ERICH2: variants seen among roughly 807,000 people sequenced by gnomAD.
ERICH2 encodes the protein glutamate-rich protein 2.
A neutral mutation model predicts 17.4 loss-of-function variants in ERICH2; 17 were observed. That is an observed-to-expected ratio of 0.98 (90% CI 0.67 to 1.47). The LOEUF (loss-of-function observed/expected upper bound fraction) is 1.47, where lower values mean the gene tolerates loss of function less well. Among genes scored for constraint, ERICH2 ranks in the 40% most tolerant of loss-of-function variants. ERICH2 has a pLI of 0.00. For synonymous variants in ERICH2, 51 were observed against 61.1 expected, an observed-to-expected ratio of 0.83 and a Z score of 0.77; for missense variants, 186 against 183.2, an observed-to-expected ratio of 1.01 and a Z score of -0.09.
chr2:170,786,801 T>C (rs35127716), intron 2 of ERICH2, among the ~76,000 whole-genome samples: 33,988 of 152,122 alleles, frequency 0.22, 4,688 homozygotes, highest in South Asian at 0.35. Flanking sequence ...TTTTTTGCAT[T>C]TCAGATACTA....
At chr2:170,777,401 A>G in the ERICH2 span, 1 of 1,171,640 alleles carries the variant, frequency 8.5e-7, no homozygotes, top group Non-Finnish European at 1.1e-6. Context: ...ACAGAATGGC[A>G]GATTGCTAAT....
At chr2:170,792,365 T>TA (rs1197962311) in intron 2 of ERICH2, among the ~76,000 whole-genome samples, 3 of 152,002 alleles carry the variant, frequency 2.0e-5, no homozygotes, top group Non-Finnish European at 2.9e-5. Flanking sequence ...ATTTCCTACA[T>TA]AAAAAAAGAT....
chr2:170,779,678 A>G (rs1356080669), upstream of ERICH2: 1 of 212,592 alleles, frequency 4.7e-6, no homozygotes, highest in African/African-American at 2.4e-5. Context: ...CTCAGCGCTG[A>G]CTGAGCTTGA....
chr2:170,798,152 T>C, intron 4 of ERICH2, 40 bp downstream of exon 9: 2 of 1,335,648 alleles, frequency 1.5e-6, no homozygotes, highest in Non-Finnish European at 2.1e-6. Context: ...CTCATAGAAC[T>C]ATAAGCAGTC....
chr2:170,792,917 A>T (rs1193870599), exon 3 of ERICH2: 10 of 1,500,804 alleles, frequency 6.7e-6, no homozygotes, highest in Middle Eastern at 1.7e-4. Flanking sequence ...ATTATGTCAG[A>T]TGAGTAAGTA....
At chr2:170,778,186 T>C in the ERICH2 span, 2 of 152,294 alleles carry the variant, frequency 1.3e-5, no homozygotes, top group Non-Finnish European at 2.9e-5. Flanking sequence ...CAGTACAATA[T>C]CAATTTAGTA....
chr2:170,786,672 A>G (rs919752355), intron 2 of ERICH2, among the ~76,000 whole-genome samples: 2 of 152,016 alleles, frequency 1.3e-5, no homozygotes, highest in African/African-American at 4.8e-5. Flanking sequence ...CTGATATACC[A>G]CTTAAATTTT....
intron 3 of ERICH2, among the ~76,000 whole-genome samples, chr2:170,797,795 G>GAAAAAAA (rs767126097): frequency 7.1e-6 from 1 of 141,808 alleles, no homozygotes. Context: ...CTGTCTCAGG[G>GAAAAAAA]AAAAAAAAAA....
At chr2:170,774,041 G>A in the ERICH2 span, among the ~76,000 whole-genome samples, 85 of 152,292 alleles carry the variant, frequency 5.6e-4, no homozygotes, top group South Asian at 7.9e-3. Flanking sequence ...GTTTTAAATA[G>A]ACATTGAATA....
the ERICH2 span, chr2:170,770,659 C>G: frequency 6.4e-6 from 1 of 155,380 alleles, no homozygotes; most frequent in Admixed American, 6.5e-5. Flanking sequence ...GCCCCCTTCC[C>G]TCTCCCTCGC....
chr2:170,795,736 G>C (rs1701399822), intron 3 of ERICH2, among the ~76,000 whole-genome samples: 1 of 152,164 alleles, frequency 6.6e-6, no homozygotes, highest in Non-Finnish European at 1.5e-5. Flanking sequence ...GAGATTTGGT[G>C]CCAATCAATC....
chr2:170,777,107 T>C, the ERICH2 span: 1 of 154,928 alleles, frequency 6.5e-6, no homozygotes, highest in South Asian at 2.0e-4. Flanking sequence ...TCTATATAAG[T>C]GTTTAGAGAC....
chr2:170,771,062 C>CG, the ERICH2 span: 1 of 153,064 alleles, frequency 6.5e-6, no homozygotes, highest in East Asian at 2.0e-4. This position sits in a 1 kb window ranked among gnomAD's most constrained non-coding sequence, Gnocchi z 4.8. Context: ...TTCCTCCACG[C>CG]GCCGTGCAGT....
At chr2:170,798,873 C>T (rs577886713) in exon 5 of ERICH2, 82 of 1,550,526 alleles carry the variant, frequency 5.3e-5, no homozygotes, top group South Asian at 2.4e-4. Context: ...AGAGCTCTGA[C>T]GAAGGTGAAG....
chr2:170,793,191 A>G (rs1701332561), intron 3 of ERICH2, among the ~76,000 whole-genome samples: 1 of 152,266 alleles, frequency 6.6e-6, no homozygotes, highest in African/African-American at 2.4e-5. Context: ...ATGATGGGTT[A>G]GTAACTTTAT....
At chr2:170,782,009 C>G (rs1701041284), upstream of ERICH2, among the ~76,000 whole-genome samples, 1 of 152,134 alleles carries the variant, frequency 6.6e-6, no homozygotes, top group African/African-American at 2.4e-5. Flanking sequence ...TTAAAGAACT[C>G]TGAAAAGAGT....
the ERICH2 span, among the ~76,000 whole-genome samples, chr2:170,775,176 C>T: frequency 6.6e-6 from 1 of 151,844 alleles, no homozygotes; most frequent in African/African-American, 2.4e-5. Context: ...CCTGCAATCC[C>T]AGCACTTTGG....
the ERICH2 span, among the ~76,000 whole-genome samples, chr2:170,773,494 A>G: frequency 1.3e-5 from 2 of 152,224 alleles, no homozygotes; most frequent in African/African-American, 2.4e-5. Flanking sequence ...GGTAATCACT[A>G]TTCCTCAGTT....
At chr2:170,784,111 C>A (rs375101456) in intron 1 of ERICH2, among the ~76,000 whole-genome samples, 3 of 152,066 alleles carry the variant, frequency 2.0e-5, no homozygotes, top group Non-Finnish European at 4.4e-5. Context: ...GGCTACCTTC[C>A]CATCAAAGAA....
Sources: gnomAD v4.1 joint callset for allele counts (sites outside exome capture counted in the v4.1 genomes callset) on GRCh38, gnomAD v4.1.1 for gene constraint, Gnocchi (gnomAD v3.1) non-coding constraint, MANE v1.5 for transcripts, NCBI Gene and HGNC (gene_info 2026-07-23, HGNC 2026-07-21) for gene names.